ZBTB38: variants seen among roughly 807,000 people sequenced by gnomAD.
ZBTB38 encodes the protein zinc finger and BTB domain-containing protein 38.
In ZBTB38, 20 loss-of-function variants were observed where a neutral mutation model predicts 76.8. That is an observed-to-expected ratio of 0.26 (90% CI 0.18 to 0.38). ZBTB38 has a LOEUF of 0.38. Among genes scored for constraint, ZBTB38 ranks in the 10% least tolerant of loss-of-function variants. ZBTB38 has a pLI of 1.00. For synonymous variants in ZBTB38, 504 were observed against 544.2 expected, an observed-to-expected ratio of 0.93 and a Z score of 1.03; for missense variants, 1,082 against 1,482.3, an observed-to-expected ratio of 0.73 and a Z score of 4.43.
At chr3:141,408,020 G>A (rs1287126810) in intron 5 of ZBTB38, among the ~76,000 whole-genome samples, 1 of 152,178 alleles carries the variant, frequency 6.6e-6, no homozygotes, top group Non-Finnish European at 1.5e-5. Flanking sequence ...TGGGGAATAA[G>A]TGATGACACC....
At chr3:141,410,617 CAG>C (rs1956310182) in intron 5 of ZBTB38, among the ~76,000 whole-genome samples, 1 of 152,176 alleles carries the variant, frequency 6.6e-6, no homozygotes, top group Non-Finnish European at 1.5e-5. Flanking sequence ...GGGCTTCCAG[CAG>C]ACACACGCAG....
chr3:141,408,530 G>A (rs952417584), intron 5 of ZBTB38, among the ~76,000 whole-genome samples: 2 of 151,348 alleles, frequency 1.3e-5, no homozygotes, highest in African/African-American at 2.4e-5. Context: ...CTGGGTGATA[G>A]AGCAACACTC....
At chr3:141,353,741 A>C (rs1943583355) in intron 1 of ZBTB38, among the ~76,000 whole-genome samples, 1 of 152,176 alleles carries the variant, frequency 6.6e-6, no homozygotes, top group South Asian at 2.1e-4. Flanking sequence ...TGGACACATG[A>C]GCATAGCAAA....
intron 5 of ZBTB38, among the ~76,000 whole-genome samples, chr3:141,435,098 C>T (rs974943407): frequency 1.3e-5 from 2 of 152,094 alleles, no homozygotes; most frequent in Non-Finnish European, 2.9e-5. Context: ...TGAGCCATGA[C>T]AGCACCACTG....
At chr3:141,431,337 A>ATATAT (rs1320311107) in intron 5 of ZBTB38, among the ~76,000 whole-genome samples, 2 of 102,042 alleles carry the variant, frequency 2.0e-5, no homozygotes, top group African/African-American at 1.2e-4. Flanking sequence ...AAAAAAAAAA[A>ATATAT]AAAAATATAT....
Position 141,413,547 on chromosome 3 carries a change from A to T in ZBTB38, c.-1+9516A>T, listed in dbSNP as rs879598594. 1.3e-5 allele frequency among the ~76,000 whole-genome samples: 2 copies of T among 152,136 alleles called. No homozygotes were observed. The highest frequency in any genetic ancestry group is 6.5e-5 in the Admixed American group (1 of 15,268). ...TTTTTGGAACTGTTGTATTTGTGTGACACAGTGATGGAGCATGATGTCAAC... is the reference window on the plus strand; with the variant it reads ...TTTTTGGAACTGTTGTATTTGTGTGTCACAGTGATGGAGCATGATGTCAAC... On this transcript the variant is annotated intron_variant, in intron 5 of 5. Transcript: ENST00000321464. This position sits in a 1 kb window ranked among gnomAD's most constrained non-coding sequence, Gnocchi z 4.1.
intron 5 of ZBTB38, among the ~76,000 whole-genome samples, chr3:141,417,969 G>A (rs866365055): frequency 3.3e-5 from 5 of 152,164 alleles, no homozygotes; most frequent in South Asian, 2.1e-4. Flanking sequence ...AGCCGAGATC[G>A]CGCCATTGCA....
In ZBTB38 at chr3:141,442,427, C is replaced by T. The variant is rs1282741533; in HGVS notation, c.39C>T (p.Asp13=). Residue 13 remains aspartate, a synonymous_variant, in exon 6 of 6, where the codon GAC becomes GAT. Coordinates refer to ENST00000321464, the MANE Select transcript of ZBTB38 (RefSeq NM_001376113.1). This position sits in a 1 kb window ranked among gnomAD's most constrained non-coding sequence, Gnocchi z 6.4. ...VMSLSRDLKD[D]FHSDTVLSIL... is the part of the protein sequence containing the mutation. Reference sequence around the variant, plus strand: ...CCCTTTCCAGGGACCTCAAGGACGACTTTCACAGTGACACGGTACTCTCCA... The same window carrying T: ...CCCTTTCCAGGGACCTCAAGGACGATTTTCACAGTGACACGGTACTCTCCA... 1 of 1,614,086 alleles carries T rather than the reference C, an allele frequency of 6.2e-7. No individual in the cohort carries two copies. Among genetic ancestry groups the T allele is most frequent in the Non-Finnish European group, 8.5e-7 (1 of 1,179,966 alleles).
chr3:141,433,526 C>A (rs2078072593), intron 5 of ZBTB38, among the ~76,000 whole-genome samples: 1 of 152,022 alleles, frequency 6.6e-6, no homozygotes. Context: ...CAGTTTTTGC[C>A]ACTACTTTTA....
chr3:141,439,192 C>G (rs1298099573), intron 5 of ZBTB38, among the ~76,000 whole-genome samples: 1 of 152,190 alleles, frequency 6.6e-6, no homozygotes, highest in Non-Finnish European at 1.5e-5. Context: ...AGAGCAGAGA[C>G]TTGCCTTCCT....
At chr3:141,429,915 G>A (rs528151759) in intron 5 of ZBTB38, among the ~76,000 whole-genome samples, 9 of 152,322 alleles carry the variant, frequency 5.9e-5, no homozygotes, top group South Asian at 2.1e-4. Context: ...GGGAGGGAAC[G>A]AGTGAGTCTG....
At chr3:141,344,622 C>T (rs1943289973) in intron 1 of ZBTB38, among the ~76,000 whole-genome samples, 1 of 152,212 alleles carries the variant, frequency 6.6e-6, no homozygotes, top group African/African-American at 2.4e-5. Flanking sequence ...GATCCTCCTG[C>T]CTTGGCCTCC....
intron 4 of ZBTB38, among the ~76,000 whole-genome samples, chr3:141,399,801 T>C (rs1164524116): frequency 1.3e-5 from 2 of 151,780 alleles, no homozygotes; most frequent in Non-Finnish European, 2.9e-5. Context: ...TGGCCAAGAG[T>C]CCTAGTCAGA....
intron 5 of ZBTB38, among the ~76,000 whole-genome samples, chr3:141,435,521 G>A (rs1242946064): frequency 1.3e-5 from 2 of 152,148 alleles, no homozygotes; most frequent in Admixed American, 1.3e-4. Flanking sequence ...CACTTTGGGA[G>A]GCTGAGGTGG....
At chr3:141,361,236 T>C (rs1943816780) in intron 1 of ZBTB38, among the ~76,000 whole-genome samples, 1 of 152,172 alleles carries the variant, frequency 6.6e-6, no homozygotes, top group African/African-American at 2.4e-5. Context: ...TTTTTAGATA[T>C]GGCGGGGAGG....
intron 4 of ZBTB38, among the ~76,000 whole-genome samples, chr3:141,403,630 C>G (rs1953166484): frequency 6.6e-6 from 1 of 152,134 alleles, no homozygotes; most frequent in African/African-American, 2.4e-5. Context: ...GGTTAATAGC[C>G]CAGGCCTTGG....
chr3:141,409,515 C>T (rs530055890), intron 5 of ZBTB38, among the ~76,000 whole-genome samples: 1 of 152,318 alleles, frequency 6.6e-6, no homozygotes, highest in South Asian at 2.1e-4. Flanking sequence ...ATTGTAACCT[C>T]AGAATTTTTG....
intron 2 of ZBTB38, among the ~76,000 whole-genome samples, chr3:141,375,097 A>T (rs890503872): frequency 6.6e-6 from 1 of 152,220 alleles, no homozygotes; most frequent in Non-Finnish European, 1.5e-5. Context: ...AGACAAAAAA[A>T]ATTAGGAAAC....
Position 141,380,241 on chromosome 3 carries a change from C to T in ZBTB38, c.-234-1184C>T, listed in dbSNP as rs140282347. ...CCTTGTCCTTTAATTCTGTGAAACACGCTCTGCCACTGAGGGCCTGAGGAA... is the reference window on the plus strand; with the variant it reads ...CCTTGTCCTTTAATTCTGTGAAACATGCTCTGCCACTGAGGGCCTGAGGAA... On this transcript the variant is annotated intron_variant, in intron 2 of 5. Coordinates refer to ENST00000321464, the MANE Select transcript of ZBTB38 (RefSeq NM_001376113.1). Among the ~76,000 whole-genome samples the T allele has an allele frequency of 1.8e-4, 27 of 152,318 alleles. No homozygotes were observed. The East Asian group carries it at 4.8e-3, about 27-fold the overall frequency.
Sources: allele counts gnomAD v4.1 joint callset (sites outside exome capture counted in the v4.1 genomes callset), GRCh38; gene constraint gnomAD v4.1.1; non-coding constraint Gnocchi (gnomAD v3.1); transcripts MANE v1.5; gene names NCBI Gene and HGNC (gene_info 2026-07-23, HGNC 2026-07-21).